The following ELAVL2 variants were observed in gnomAD, a reference collection of about 807,000 sequenced individuals.
The protein encoded by ELAVL2 is ELAV-like protein 2.
ELAVL2 carries 4 observed loss-of-function variants against 34.6 expected under a neutral mutation model. That is an observed-to-expected ratio of 0.12 (90% confidence interval 0.06 to 0.26). ELAVL2 has a LOEUF of 0.26. ELAVL2 is among the 10% of genes least tolerant of loss of function. ELAVL2 has a pLI of 1.00. For missense variants in ELAVL2, 432 were observed against 442.8 expected, an observed-to-expected ratio of 0.98 and a Z score of 0.22; for synonymous variants, 193 against 154.8, an observed-to-expected ratio of 1.25 and a Z score of -1.83.
At chr9:23,797,432 G>C (rs2061066029) in intron 1 of ELAVL2, among the ~76,000 whole-genome samples, 1 of 152,108 alleles carries the variant, frequency 6.6e-6, no homozygotes, top group African/African-American at 2.4e-5. Context: ...ATGTTATCTG[G>C]TAAATCTCAT....
chr9:23,827,764 G>A (rs940812256), upstream of ELAVL2, among the ~76,000 whole-genome samples: 12 of 152,142 alleles, frequency 7.9e-5, no homozygotes, highest in African/African-American at 2.9e-4. Context: ...GAGGAATACA[G>A]TAAATCAGTG....
chr9:23,721,220 T>C (rs1339265930), intron 3 of ELAVL2, among the ~76,000 whole-genome samples: 1 of 152,194 alleles, frequency 6.6e-6, no homozygotes, highest in East Asian at 1.9e-4. Context: ...TCCAAAGATA[T>C]TTCCAAGAAC....
chr9:23,849,129 AAG>A, the ELAVL2 span, among the ~76,000 whole-genome samples: 3 of 152,198 alleles, frequency 2.0e-5, no homozygotes, highest in Non-Finnish European at 4.4e-5. Context: ...GAATGAGAAA[AAG>A]GGGCAAAACC....
intron 3 of ELAVL2, among the ~76,000 whole-genome samples, chr9:23,720,813 G>C (rs886579864): frequency 6.6e-6 from 1 of 152,128 alleles, no homozygotes; most frequent in Admixed American, 6.6e-5. Flanking sequence ...TGTTTCTCAG[G>C]TCAGGCCACC....
intron 1 of ELAVL2, among the ~76,000 whole-genome samples, chr9:23,820,475 G>A (rs765241057): frequency 1.3e-5 from 2 of 152,152 alleles, no homozygotes; most frequent in Non-Finnish European, 2.9e-5. Flanking sequence ...AGAGACGATA[G>A]GACTTGAAAA....
At chr9:23,742,723 A>ACATCCAT (rs1444278751) in intron 2 of ELAVL2, among the ~76,000 whole-genome samples, 1 of 152,208 alleles carries the variant, frequency 6.6e-6, no homozygotes, top group Non-Finnish European at 1.5e-5. Flanking sequence ...TTTCCAAAGG[A>ACATCCAT]CATCCATCGT....
chr9:23,692,601 C>T lies in ELAVL2; in HGVS notation c.1036G>A (p.Val346Ile). ...TTTGTCTTAAAGGAGACCTGCAGTA[C>T]TCTGTCTCCCAGACGGTATCCATTG... The part of the protein sequence containing the change: ...SLNGYRLGDR[V>I]LQVSFKTNKT... The change falls in exon 7 of 7, where the codon GTA becomes ATA. Residue 346 changes from valine (V) to isoleucine (I), a missense_variant. Val to Ile is a conservative substitution (Grantham distance 29). Transcript: ENST00000397312. 1.2e-6 allele frequency: 2 copies of T among 1,614,142 alleles called. No homozygotes were observed. Among genetic ancestry groups the T allele is most frequent in the Non-Finnish European group, 1.7e-6 (2 of 1,179,984 alleles).
At chr9:23,793,764 C>T (rs2060591845) in intron 1 of ELAVL2, among the ~76,000 whole-genome samples, 1 of 152,132 alleles carries the variant, frequency 6.6e-6, no homozygotes. Flanking sequence ...CCCAAAATAG[C>T]CTCTGTCCCA....
chr9:23,723,921 C>T (rs961264078), intron 3 of ELAVL2, among the ~76,000 whole-genome samples: 2 of 152,218 alleles, frequency 1.3e-5, no homozygotes, highest in African/African-American at 4.8e-5. Flanking sequence ...TAAACCTATA[C>T]AAGTTATTAC....
Position 23,692,447 on chromosome 9 carries a change from T to A in ELAVL2, c.*110A>T, listed in dbSNP as rs2033447767. 9 of 1,124,664 alleles carry A rather than the reference T, an allele frequency of 8.0e-6. No homozygotes were observed. The highest frequency in any genetic ancestry group is 9.9e-6 in the Non-Finnish European group (8 of 806,032). The allele number at this position is 1,124,664 out of a possible 1,614,324, so 69.7% of individuals were successfully genotyped here. ...CTTAGGATGCTAAGTAGTCATTTTA[T>A]CCCCATCTCAACACTGACTTACAAA... On this transcript the variant is annotated 3_prime_UTR_variant, in exon 7 of 7. Transcript: ENST00000397312.
intron 1 of ELAVL2, among the ~76,000 whole-genome samples, chr9:23,771,164 C>G (rs1369623464): frequency 1.3e-5 from 2 of 152,164 alleles, no homozygotes; most frequent in Non-Finnish European, 2.9e-5. Context: ...GACAGTGACT[C>G]CCACCAGGGT....
the ELAVL2 span, among the ~76,000 whole-genome samples, chr9:23,850,117 G>T: frequency 6.6e-6 from 1 of 151,558 alleles, no homozygotes; most frequent in Non-Finnish European, 1.5e-5. Flanking sequence ...GAGGGGGTGG[G>T]GGTGGAAAAA....
At chr9:23,730,245 CAA>C (rs1436637622) in intron 3 of ELAVL2, among the ~76,000 whole-genome samples, 1 of 152,066 alleles carries the variant, frequency 6.6e-6, no homozygotes, top group African/African-American at 2.4e-5. Context: ...AGCTCCCTCT[CAA>C]GAGAGAATCT....
intron 1 of ELAVL2, among the ~76,000 whole-genome samples, chr9:23,791,991 C>T (rs2060379473): frequency 6.6e-6 from 1 of 152,076 alleles, no homozygotes; most frequent in African/African-American, 2.4e-5. Context: ...GCAAATAGTC[C>T]CCAACTTACA....
At chr9:23,797,193 T>C (rs760018310) in intron 1 of ELAVL2, among the ~76,000 whole-genome samples, 2 of 152,202 alleles carry the variant, frequency 1.3e-5, no homozygotes, top group East Asian at 1.9e-4. Flanking sequence ...CCAGAATGAA[T>C]CCTACTAATT....
chr9:23,781,412 C>G (rs989562936), intron 1 of ELAVL2, among the ~76,000 whole-genome samples: 1 of 151,972 alleles, frequency 6.6e-6, no homozygotes, highest in African/African-American at 2.4e-5. Context: ...TTTCACCAAA[C>G]AGATCAGGAA....
At chr9:23,774,566 G>A (rs2057894668) in intron 1 of ELAVL2, among the ~76,000 whole-genome samples, 2 of 152,090 alleles carry the variant, frequency 1.3e-5, no homozygotes, top group Admixed American at 1.3e-4. Context: ...TAAATATACA[G>A]AGTACTAACA....
At chr9:23,780,490 A>C (rs1032144497) in intron 1 of ELAVL2, among the ~76,000 whole-genome samples, 13 of 152,294 alleles carry the variant, frequency 8.5e-5, no homozygotes, top group African/African-American at 3.1e-4. Flanking sequence ...TCTTTTTATA[A>C]TTATTTTCTT....
At chr9:23,842,928 T>C in the ELAVL2 span, among the ~76,000 whole-genome samples, 3 of 152,148 alleles carry the variant, frequency 2.0e-5, no homozygotes, top group African/African-American at 7.2e-5. Context: ...CAATGAACTG[T>C]ACTTGCCATT....
Sources: allele counts gnomAD v4.1 joint callset (sites outside exome capture counted in the v4.1 genomes callset), GRCh38; gene constraint gnomAD v4.1.1; transcripts MANE v1.5; gene names NCBI Gene and HGNC (gene_info 2026-07-23, HGNC 2026-07-21).